The following REN variants were observed in gnomAD, a reference collection of about 807,000 sequenced individuals.
REN encodes the protein renin.
REN carries 42 observed loss-of-function variants against 48.6 expected under a neutral mutation model. That is an observed-to-expected ratio of 0.86 (90% CI 0.68 to 1.12). REN has a LOEUF of 1.12. Ranked by LOEUF, REN falls within the 50% of genes most tolerant of loss-of-function variation. REN has a pLI of 0.00. For synonymous variants in REN, 196 were observed against 204.6 expected, an observed-to-expected ratio of 0.96 and a Z score of 0.36; for missense variants, 443 against 527.3, an observed-to-expected ratio of 0.84 and a Z score of 1.57.
chr1:204,156,368 C>T lies in REN; in HGVS notation c.819-49G>A, dbSNP rs1279436358. 1 of 1,298,578 alleles carries T rather than the reference C, an allele frequency of 7.7e-7. No homozygotes were observed. Among genetic ancestry groups the T allele is most frequent in the South Asian group, 1.2e-5 (1 of 81,748 alleles). 80.4% of individuals were successfully genotyped at this position (1,298,578 alleles called of 1,614,324 possible). On this transcript the variant is annotated intron_variant, in intron 7 of 9. Coordinates refer to ENST00000272190, the MANE Select transcript of REN (RefSeq NM_000537.4). The surrounding 1 kb of genome is among the most constrained non-coding windows in gnomAD (Gnocchi z 4.2). ...GACAGACAGACAGACAGACAGAAGG[C>T]TGATGGGGCACCTCCAGGCTGCATG...
intron 1 of REN, among the ~76,000 whole-genome samples, chr1:204,164,220 C>T (rs1354414064): frequency 6.6e-6 from 1 of 152,218 alleles, no homozygotes; most frequent in Non-Finnish European, 1.5e-5. Flanking sequence ...CCAGTGCTCA[C>T]AACCCAGCAA....
At chr1:204,157,041 A>G (rs1658163061) in intron 6 of REN, among the ~76,000 whole-genome samples, 1 of 152,176 alleles carries the variant, frequency 6.6e-6, no homozygotes, top group South Asian at 2.1e-4. Context: ...TGTTCCCCCA[A>G]AAAGCATCCC....
rs371478505 is a variant in REN, at chr1:204,155,077, C to T, written c.1160G>A (p.Arg387Gln). The T allele has an allele frequency of 9.7e-5, 157 of 1,613,934 alleles. No individual in the cohort carries two copies. The highest frequency in any genetic ancestry group is 1.2e-4 in the Non-Finnish European group (147 of 1,179,996). The change falls in exon 10 of 10, where the codon CGA becomes CAA. Residue 387 changes from arginine to glutamine, a missense_variant. Arg to Gln is a conservative substitution (Grantham distance 43, BLOSUM62 1). Transcript: ENST00000272190. ...PTWALGATFI[R>Q]KFYTEFDRRN... ...CCGATCAAACTCTGTGTAGAACTTT[C>T]GGATGAAGGTGGCCCCCAGGGCCCA...
rs757838787 is a variant in REN at position 204,158,565 on chromosome 1, A to T, written c.689+834T>A. ...CCAAAGTGCTGGGATTACAGGCATG[A>T]GCCACTGCACCCAGCCCCTTTTGCC... On this transcript the variant is annotated intron_variant, in intron 5 of 9. Transcript: ENST00000272190. 8.5e-4 allele frequency among the ~76,000 whole-genome samples: 130 copies of T among 152,116 alleles called. 3 individuals are homozygous for T. Among genetic ancestry groups the T allele is most frequent in the Admixed American group, 6.5e-4 (10 of 15,278 alleles).
At chr1:204,157,323 T>A in intron 6 of REN, 38 bp downstream of exon 6, 1 of 1,614,030 alleles carries the variant, frequency 6.2e-7, no homozygotes, top group Non-Finnish European at 8.5e-7. Flanking sequence ...CGGGGAGTAC[T>A]GGAAGGTCAC....
At chr1:204,160,479 C>T (rs1431082008) in intron 4 of REN, 81 bp downstream of exon 4, 14 of 922,440 alleles carry the variant, frequency 1.5e-5, no homozygotes, top group Non-Finnish European at 2.4e-5. Flanking sequence ...TACCTCCCCG[C>T]AGGTGTGGGC....
Position 204,156,296 on chromosome 1 carries a change from A to T in REN, c.842T>A (p.Leu281Ter). ...MKGVSVGSST[L>*]LCEDGCLALV... Reference sequence around the variant, plus strand: ...TGCCAGGCAGCCGTCTTCACAGAGCAAGGTGGATGACCCCACAGACACCCT... The same window carrying T: ...TGCCAGGCAGCCGTCTTCACAGAGCTAGGTGGATGACCCCACAGACACCCT... Residue 281 changes from leucine to a stop codon, truncating the protein, a stop_gained, in exon 8 of 10, where the codon TTG (leucine) becomes TAG (stop). Coordinates refer to ENST00000272190, the MANE Select transcript of REN (RefSeq NM_000537.4). LOFTEE classifies it high-confidence loss of function. The surrounding 1 kb of genome is among the most constrained non-coding windows in gnomAD (Gnocchi z 4.2). 1.2e-6 allele frequency: 2 copies of T among 1,613,876 alleles called. No homozygotes were observed. The highest frequency in any genetic ancestry group is 1.7e-6 in the Non-Finnish European group (2 of 1,179,860).
chr1:204,159,338 A>G, intron 5 of REN, 61 bp downstream of exon 5: 1 of 1,479,412 alleles, frequency 6.8e-7, no homozygotes. Context: ...CTCTCCTTCC[A>G]CTCCCCATCT....
rs1352971146 is a variant in REN, at chr1:204,161,306, A to G, written c.359T>C (p.Leu120Pro). 1 of 1,607,728 alleles carries G rather than the reference A, an allele frequency of 6.2e-7. No homozygotes were observed. Residue 120 changes from leucine to proline, a missense_variant, in exon 3 of 10, where the codon CTC becomes CCC. Transcript: ENST00000272190. ...TTAGGTCTCACCACAGGCAGTGTAG[A>G]GACGGCTGCACTTGGAGGAGGGCAC... ...VWVPSSKCSR[L>P]YTACVYHKLF...
In REN at chr1:204,156,298, G is replaced by A. The variant is rs1658148518; in HGVS notation, c.840C>T (p.Thr280=). The A allele has an allele frequency of 1.9e-6, 3 of 1,613,930 alleles. No homozygotes were observed. Among genetic ancestry groups the A allele is most frequent in the Non-Finnish European group, 2.5e-6 (3 of 1,179,970 alleles). ...QMKGVSVGSS[T]LLCEDGCLAL... ...CCAGGCAGCCGTCTTCACAGAGCAAGGTGGATGACCCCACAGACACCCTGG... is the reference window on the plus strand; with the variant it reads ...CCAGGCAGCCGTCTTCACAGAGCAAAGTGGATGACCCCACAGACACCCTGG... The change falls in exon 8 of 10, where the codon ACC becomes ACT. Residue 280 remains threonine (T), a synonymous_variant. Transcript: ENST00000272190. This position sits in a 1 kb window ranked among gnomAD's most constrained non-coding sequence, Gnocchi z 4.2.
Position 204,166,220 on chromosome 1 carries a change from G to A in REN, c.74C>T (p.Pro25Leu), listed in dbSNP as rs761487063. The A allele has an allele frequency of 3.9e-5, 63 of 1,614,010 alleles. No homozygotes were observed. Among genetic ancestry groups the A allele is most frequent in the Non-Finnish European group, 4.5e-5 (53 of 1,180,014 alleles). The change falls in exon 1 of 10, where the codon CCG (proline) becomes CTG (leucine). Residue 25 changes from proline to leucine, a missense_variant. Coordinates refer to ENST00000272190, the MANE Select transcript of REN (RefSeq NM_000537.4). Reference sequence around the variant, plus strand: ...CCGTTTAAAGGTGGTGGTGTCTGTCGGGAGACCAAAGGTACAGGAGCCCCA... The same window carrying A: ...CCGTTTAAAGGTGGTGGTGTCTGTCAGGAGACCAAAGGTACAGGAGCCCCA... ...LLWGSCTFGL[P>L]TDTTTFKRIF...
rs121917742 is a variant in REN, at chr1:204,159,399, C to T, written c.689G>A (p.Arg230Lys). Reference sequence around the variant, plus strand: ...CAGCCCTTGGAGTCCCAGTCCCCACCTGTTGTAGTAGAAAGAGAAGACGTC... The same window carrying T: ...CAGCCCTTGGAGTCCCAGTCCCCACTTGTTGTAGTAGAAAGAGAAGACGTC... Reference protein sequence around the residue: ...KEDVFSFYYNRDSENSQSLGG... With the variant: ...KEDVFSFYYNKDSENSQSLGG... The change falls in exon 5 of 10, where the codon AGA becomes AAA. Residue 230 changes from arginine to lysine, a missense_variant and splice_region_variant. Coordinates refer to ENST00000272190, the MANE Select transcript of REN (RefSeq NM_000537.4). 1.2e-6 allele frequency: 2 copies of T among 1,614,046 alleles called. No homozygotes were observed. The highest frequency in any genetic ancestry group is 1.1e-5 in the South Asian group (1 of 91,076).
intron 6 of REN, among the ~76,000 whole-genome samples, chr1:204,157,033 T>C (rs1278681402): frequency 2.6e-5 from 4 of 152,152 alleles, no homozygotes; most frequent in South Asian, 2.1e-4. Flanking sequence ...AGTCCAGCTG[T>C]TCCCCCAAAA....
In REN at chr1:204,156,282, C is replaced by T. The variant is rs755102880; in HGVS notation, c.856G>A (p.Gly286Ser). 19 of 1,614,056 alleles carry T rather than the reference C, an allele frequency of 1.2e-5. No homozygotes were observed. The highest frequency in any genetic ancestry group is 5.0e-5 in the Admixed American group (3 of 59,992). Residue 286 changes from glycine (G) to serine (S), a missense_variant, in exon 8 of 10, where the codon GGC (glycine) becomes AGC (serine). Coordinates refer to ENST00000272190, the MANE Select transcript of REN (RefSeq NM_000537.4). The surrounding 1 kb of genome is among the most constrained non-coding windows in gnomAD (Gnocchi z 4.2). ...CCGGTGTCTACCAATGCCAGGCAGCCGTCTTCACAGAGCAAGGTGGATGAC... is the reference window on the plus strand; with the variant it reads ...CCGGTGTCTACCAATGCCAGGCAGCTGTCTTCACAGAGCAAGGTGGATGAC... The part of the protein sequence containing the change: ...VGSSTLLCED[G>S]CLALVDTGAS...
chr1:204,162,169 C>G lies in REN; in HGVS notation c.99-6G>C. On this transcript the variant is annotated splice_region_variant and splice_polypyrimidine_tract_variant and intron_variant, in intron 1 of 9. Coordinates refer to ENST00000272190, the MANE Select transcript of REN (RefSeq NM_000537.4). Reference sequence around the variant, plus strand: ...GCATTCTCTTGAGGAAGATCCTGGCCCAGGGTGGAGGAAGCAAAAATAGAA... The same window carrying G: ...GCATTCTCTTGAGGAAGATCCTGGCGCAGGGTGGAGGAAGCAAAAATAGAA... 1 of 1,614,000 alleles carries G rather than the reference C, an allele frequency of 6.2e-7. No individual in the cohort carries two copies. Among genetic ancestry groups the G allele is most frequent in the Non-Finnish European group, 8.5e-7 (1 of 1,179,988 alleles).
Position 204,155,912 on chromosome 1 carries a change from C to G in REN, c.967G>C (p.Val323Leu). 1 of 1,613,272 alleles carries G rather than the reference C, an allele frequency of 6.2e-7. No homozygotes were observed. The highest frequency in any genetic ancestry group is 8.5e-7 in the Non-Finnish European group (1 of 1,179,476). The change falls in exon 9 of 10, where the codon GTG becomes CTG. Residue 323 changes from valine to leucine, a missense_variant. Val to Leu is a conservative substitution (Grantham distance 32, BLOSUM62 1). Coordinates refer to ENST00000272190, the MANE Select transcript of REN (RefSeq NM_000537.4). ...AGTGTAGGGCCCTCGTTACACTTCA[C>G]GACATACTGGGGTGGGGGGCAAAGA... ...GAKKRLFDYV[V>L]KCNEGPTLPD... is the part of the protein sequence containing the mutation.
chr1:204,166,090 G>T, intron 1 of REN, 106 bp downstream of exon 1: 1 of 911,540 alleles, frequency 1.1e-6, no homozygotes, highest in Admixed American at 1.8e-5. Context: ...TCCCTGTCCA[G>T]CTGATCGTAA....
chr1:204,159,514 C>T lies in REN; in HGVS notation c.574G>A (p.Gly192Arg). Reference protein sequence around the residue: ...ALPFMLAEFDGVVGMGFIEQA... With the variant: ...ALPFMLAEFDRVVGMGFIEQA... ...TCAATGAAGCCCATGCCCACAACCC[C>T]ATCAAACTCGGCCAGCATGAAGGGT... The change falls in exon 5 of 10, where the codon GGG becomes AGG. Residue 192 changes from glycine to arginine, a missense_variant. Coordinates refer to ENST00000272190, the MANE Select transcript of REN (RefSeq NM_000537.4). 6.2e-7 allele frequency: 1 copy of T among 1,614,180 alleles called. No homozygotes were observed. Among genetic ancestry groups the T allele is most frequent in the Non-Finnish European group, 8.5e-7 (1 of 1,180,036 alleles).
rs1014424499 is a variant in REN, at chr1:204,161,317, C to T, written c.348G>A (p.Lys116=). 2.5e-6 allele frequency: 4 copies of T among 1,608,774 alleles called. No individual in the cohort carries two copies. Among genetic ancestry groups the T allele is most frequent in the Admixed American group, 3.4e-5 (2 of 59,594 alleles). ...GSSNVWVPSS[K]CSRLYTACVY... is the part of the protein sequence containing the mutation. ...CACAGGCAGTGTAGAGACGGCTGCA[C>T]TTGGAGGAGGGCACCCAAACATTGG... Residue 116 remains lysine, a synonymous_variant, in exon 3 of 10, where the codon AAG becomes AAA. Coordinates refer to ENST00000272190, the MANE Select transcript of REN (RefSeq NM_000537.4).
Sources: allele counts gnomAD v4.1 joint callset (sites outside exome capture counted in the v4.1 genomes callset), GRCh38; gene constraint gnomAD v4.1.1; non-coding constraint Gnocchi (gnomAD v3.1); transcripts MANE v1.5; gene names NCBI Gene and HGNC (gene_info 2026-07-23, HGNC 2026-07-21).